The following SFRP4 variants were observed in gnomAD, a reference collection of about 807,000 sequenced individuals.
SFRP4 encodes secreted frizzled related protein 4.
Under a neutral mutation model 36.3 loss-of-function variants are expected in SFRP4, and 25 were observed. The observed-to-expected ratio is 0.69, with a 90% CI of 0.50 to 0.96. The LOEUF is 0.96. SFRP4 is among the 40% of genes least tolerant of loss of function. The probability of loss-of-function intolerance (pLI) is 0.00; values close to 1 mark genes in which losing one functional copy is unlikely to be tolerated. For synonymous variants in SFRP4, 182 were observed against 168.8 expected, an observed-to-expected ratio of 1.08 and a Z score of -0.60; for missense variants, 487 against 459.6, an observed-to-expected ratio of 1.06 and a Z score of -0.54.
rs745604736 is a variant in SFRP4, at chr7:37,912,263, G to T, written c.647C>A (p.Thr216Lys). 5.6e-6 allele frequency: 9 copies of T among 1,614,118 alleles called. No individual in the cohort carries two copies. Among genetic ancestry groups the T allele is most frequent in the Non-Finnish European group, 7.6e-6 (9 of 1,179,956 alleles). ...VQRSGCNEVT[T>K]VVDVKEIFKS... is the part of the protein sequence containing the mutation. ...GAAGATCTCTTTTACATCCACCACC[G>T]TTGTGACCTCATTGCAGCCACTCCT... The change falls in exon 4 of 6, where the codon ACG becomes AAG. Residue 216 changes from threonine (T) to lysine (K), a missense_variant. Transcript: ENST00000436072.
At chr7:37,907,938 T>C (rs1785423853) in intron 5 of SFRP4, among the ~76,000 whole-genome samples, 1 of 152,158 alleles carries the variant, frequency 6.6e-6, no homozygotes, top group Non-Finnish European at 1.5e-5. Flanking sequence ...AAGAGGTTAT[T>C]TGCAGTGCAC....
intron 3 of SFRP4, among the ~76,000 whole-genome samples, chr7:37,913,350 T>G (rs1298455998): frequency 2.6e-5 from 4 of 152,232 alleles, no homozygotes; most frequent in Non-Finnish European, 5.9e-5. Context: ...AGTTTCTTAC[T>G]GATATAAAAT....
At chr7:37,914,506 C>T (rs1785545159) in intron 1 of SFRP4, 53 bp from the exon 2 acceptor site, 1 of 1,288,634 alleles carries the variant, frequency 7.8e-7, no homozygotes. Context: ...GTCTGTTCAC[C>T]CAGCTGGTAT....
chr7:37,907,737 A>C, intron 5 of SFRP4, 73 bp from the exon 6 acceptor site: 2 of 1,161,352 alleles, frequency 1.7e-6, no homozygotes, highest in Non-Finnish European at 2.5e-6. Flanking sequence ...TGTGAAAATT[A>C]AGGCAAGTTT....
Position 37,906,302 on chromosome 7 carries a change from A to G in SFRP4, c.*1177T>C, listed in dbSNP as rs1785395316. The G allele has an allele frequency of 6.6e-6, 1 of 152,216 alleles. No homozygotes were observed. Among genetic ancestry groups the G allele is most frequent in the Non-Finnish European group, 1.5e-5 (1 of 68,034 alleles). 9.4% of individuals were successfully genotyped at this position (152,216 alleles called of 1,614,324 possible). On this transcript the variant is annotated 3_prime_UTR_variant, in exon 6 of 6. Coordinates refer to ENST00000436072, the MANE Select transcript of SFRP4 (RefSeq NM_003014.4). ...ATTTATTGAATGCCTTATAGAGAAT[A>G]CATGCTTACTGTGTTAGCAAAAGGC...
Position 37,916,397 on chromosome 7 carries a change from G to T in SFRP4, c.141C>A (p.His47Gln). ...WNITRMPNHL[H>Q]HSTQENAILA... ...GGATGGCGTTCTCCTGCGTGCTGTG[G>T]TGCAGGTGGTTGGGCATCCGCGTGA... The change falls in exon 1 of 6, where the codon CAC (histidine) becomes CAA (glutamine). Residue 47 changes from histidine (H) to glutamine (Q), a missense_variant. Coordinates refer to ENST00000436072, the MANE Select transcript of SFRP4 (RefSeq NM_003014.4). This position sits in a 1 kb window ranked among gnomAD's most constrained non-coding sequence, Gnocchi z 4.1. 6.2e-7 allele frequency: 1 copy of T among 1,614,154 alleles called. No individual in the cohort carries two copies. The highest frequency in any genetic ancestry group is 8.5e-7 in the Non-Finnish European group (1 of 1,179,996).
Position 37,916,317 on chromosome 7 carries a change from C to T in SFRP4, c.221G>A (p.Arg74His), listed in dbSNP as rs771800349. ...LVDVNCSAVL[R>H]FFLCAMYAPI... is the part of the protein sequence containing the mutation. Reference sequence around the variant, plus strand: ...CGCGTACATGGCACAGAGGAAGAAGCGCAGCACGGCGCTGCAGTTCACGTC... The same window carrying T: ...CGCGTACATGGCACAGAGGAAGAAGTGCAGCACGGCGCTGCAGTTCACGTC... Residue 74 changes from arginine to histidine, a missense_variant, in exon 1 of 6, where the codon CGC (arginine) becomes CAC (histidine). Transcript: ENST00000436072. This position sits in a 1 kb window ranked among gnomAD's most constrained non-coding sequence, Gnocchi z 4.1. 2.0e-5 allele frequency: 33 copies of T among 1,614,048 alleles called. No individual in the cohort carries two copies. The Middle Eastern group carries it at 2.0e-3, about 96-fold the overall frequency.
intron 3 of SFRP4, 62 bp from the exon 4 acceptor site, chr7:37,912,379 T>C: frequency 7.7e-7 from 1 of 1,302,310 alleles, no homozygotes; most frequent in Non-Finnish European, 1.1e-6. Context: ...AGGGATGGTG[T>C]ATTCATGCCA....
chr7:37,909,535 G>T, intron 5 of SFRP4, 82 bp downstream of exon 5: 1 of 764,982 alleles, frequency 1.3e-6, no homozygotes, highest in South Asian at 2.5e-5. Context: ...GGAGATTAGA[G>T]AATGGGAAGA....
chr7:37,908,980 A>G (rs1177873745), intron 5 of SFRP4, among the ~76,000 whole-genome samples: 2 of 128,366 alleles, frequency 1.6e-5, no homozygotes, highest in South Asian at 2.9e-4. Context: ...CTGAATATAT[A>G]TGACATATTT....
At position 37,906,229 on chromosome 7, in the gene SFRP4, A is replaced by G. The variant is rs1785393662; in HGVS notation, c.*1250T>C. ...ATACTAATAGTGATTACCTCTGTGT[A>G]GTGGAGAGTAGGATTAGATAGGATT... is the stretch of plus-strand genomic sequence containing the variant. On this transcript the variant is annotated 3_prime_UTR_variant, in exon 6 of 6. Transcript: ENST00000436072. 1 of 152,196 alleles carries G rather than the reference A, an allele frequency of 6.6e-6. No homozygotes were observed. Among genetic ancestry groups the G allele is most frequent in the Non-Finnish European group, 1.5e-5 (1 of 68,038 alleles). The allele number at this position is 152,196 out of a possible 1,614,324, so 9.4% of individuals were successfully genotyped here.
At position 37,916,582 on chromosome 7, in the gene SFRP4, C is replaced by G. The variant is rs917578164; in HGVS notation, c.-45G>C. Reference sequence around the variant, plus strand: ...GCGACCCCGGCAGACAGAAAGCGCCCTTCTCTTCCTGCCACCCTCATCTTT... The same window carrying G: ...GCGACCCCGGCAGACAGAAAGCGCCGTTCTCTTCCTGCCACCCTCATCTTT... On this transcript the variant is annotated 5_prime_UTR_variant, in exon 1 of 6. Coordinates refer to ENST00000436072, the MANE Select transcript of SFRP4 (RefSeq NM_003014.4). The surrounding 1 kb of genome is among the most constrained non-coding windows in gnomAD (Gnocchi z 4.1). 4 of 1,574,618 alleles carry G rather than the reference C, an allele frequency of 2.5e-6. No homozygotes were observed. The African/African-American group carries it at 5.4e-5, about 21-fold the overall frequency.
chr7:37,909,630 C>T lies in SFRP4; in HGVS notation c.842G>A (p.Ser281Asn). 6.4e-7 allele frequency: 1 copy of T among 1,573,076 alleles called. No individual in the cohort carries two copies. The highest frequency in any genetic ancestry group is 8.6e-7 in the Non-Finnish European group (1 of 1,157,520). Residue 281 changes from serine (S) to asparagine (N), a missense_variant, in exon 5 of 6, where the codon AGT becomes AAT. By Grantham distance (46) the Ser-to-Asn change is conservative (BLOSUM62 1). Coordinates refer to ENST00000436072, the MANE Select transcript of SFRP4 (RefSeq NM_003014.4). ...CATGATACTTACTATGGATCTTTTACTAAGCTGATCTCTCCATTTTTCAAC... is the reference window on the plus strand; with the variant it reads ...CATGATACTTACTATGGATCTTTTATTAAGCTGATCTCTCCATTTTTCAAC... ...CLVEKWRDQLSKRSIQWEERL... is the reference protein window; with the variant it reads ...CLVEKWRDQLNKRSIQWEERL...
At chr7:37,909,811 G>T in intron 4 of SFRP4, 131 bp from the exon 5 acceptor site, 1 of 492,662 alleles carries the variant, frequency 2.0e-6, no homozygotes, top group Non-Finnish European at 3.6e-6. Context: ...ATATTTTATT[G>T]GTGTTTCCTT....
Position 37,907,628 on chromosome 7 carries a change from C to A in SFRP4, c.892G>T (p.Val298Phe). ...EERLQEQRRTVQDKKKTAGRT... is the reference protein window; with the variant it reads ...EERLQEQRRTFQDKKKTAGRT... ...CCGGCTGTTTTCTTCTTGTCCTGAA[C>A]TGTTCTCCGCTGTTCCTGCAGCCTC... The change falls in exon 6 of 6, where the codon GTT (valine) becomes TTT (phenylalanine). Residue 298 changes from valine (V) to phenylalanine (F), a missense_variant. Val to Phe is a conservative substitution (Grantham distance 50). Transcript: ENST00000436072. The A allele has an allele frequency of 6.2e-7, 1 of 1,611,822 alleles. No individual in the cohort carries two copies. Among genetic ancestry groups the A allele is most frequent in the Non-Finnish European group, 8.5e-7 (1 of 1,179,354 alleles).
At chr7:37,907,686 T>C (rs1785419514) in intron 5 of SFRP4, 22 bp from the exon 6 acceptor site, 3 of 1,577,852 alleles carry the variant, frequency 1.9e-6, no homozygotes, top group Admixed American at 3.5e-5. Flanking sequence ...TTTGTAAACA[T>C]GACTGTCAAA....
chr7:37,910,345 A>G (rs1028931986), intron 4 of SFRP4, among the ~76,000 whole-genome samples: 5 of 151,948 alleles, frequency 3.3e-5, no homozygotes, highest in Admixed American at 6.6e-5. Context: ...GAACTTCTCT[A>G]TATAAATTTC....
chr7:37,912,628 C>T (rs1785513847), intron 3 of SFRP4, among the ~76,000 whole-genome samples: 1 of 152,144 alleles, frequency 6.6e-6, no homozygotes. Context: ...TTGTATTCTT[C>T]CTTGTGGTGA....
chr7:37,910,913 A>G (rs767751069), intron 4 of SFRP4, among the ~76,000 whole-genome samples: 3 of 152,226 alleles, frequency 2.0e-5, no homozygotes, highest in Non-Finnish European at 2.9e-5. Flanking sequence ...TGCGGGTCTC[A>G]TAAGGCAGAT....
Sources: allele counts gnomAD v4.1 joint callset (sites outside exome capture counted in the v4.1 genomes callset), GRCh38; gene constraint gnomAD v4.1.1; non-coding constraint Gnocchi (gnomAD v3.1); transcripts MANE v1.5; gene names NCBI Gene and HGNC (gene_info 2026-07-23, HGNC 2026-07-21).